LRRC45: variants seen among roughly 807,000 people sequenced by gnomAD.
The protein encoded by LRRC45 is leucine-rich repeat-containing protein 45.
In LRRC45, 73 loss-of-function variants were observed where a neutral mutation model predicts 85.4. The observed-to-expected ratio is 0.85, with a 90% CI of 0.71 to 1.04. LRRC45 has a LOEUF of 1.04. LRRC45 is among the 50% of genes least tolerant of loss of function. The probability of loss-of-function intolerance (pLI) is 0.00; values close to 1 mark genes in which losing one functional copy is unlikely to be tolerated. For synonymous variants in LRRC45, 429 were observed against 386.0 expected (o/e 1.11, Z -1.31); for missense variants, 937 against 883.3 (o/e 1.06, Z -0.77).
chr17:82,028,830 AC>A, intron 12 of LRRC45, 147 bp downstream of exon 12: 1 of 947,420 alleles, frequency 1.1e-6, no homozygotes, highest in Non-Finnish European at 1.6e-6. Context: ...CGGATGTCAG[AC>A]CCAGAACCTC....
chr17:82,026,957 C>T lies in LRRC45; in HGVS notation c.720C>T (p.Arg240=). 3 of 1,608,438 alleles carry T rather than the reference C, an allele frequency of 1.9e-6. No homozygotes were observed. The highest frequency in any genetic ancestry group is 1.1e-5 in the South Asian group (1 of 90,328). ...RLTTFQENQA[R]THVLSKEVQH... The stretch of plus-strand genomic sequence containing the variant: ...CCACCTTCCAGGAGAACCAAGCCCG[C>T]ACTCACGTCCTCAGCAAGGAGGTCC... Residue 240 remains arginine (R), a synonymous_variant, in exon 6 of 17, where the codon CGC becomes CGT. Transcript: ENST00000306688.
At chr17:82,026,610 C>T (rs886487959) in intron 5 of LRRC45, among the ~76,000 whole-genome samples, 2 of 117,256 alleles carry the variant, frequency 1.7e-5, no homozygotes, top group Non-Finnish European at 3.6e-5. Flanking sequence ...GACTGAGTTT[C>T]ACTCAGTCAC....
intron 14 of LRRC45, 126 bp downstream of exon 14, chr17:82,029,761 C>T (rs2043401264): frequency 3.2e-6 from 3 of 931,294 alleles, no homozygotes; most frequent in Admixed American, 2.1e-5. Context: ...CAGATGAGCA[C>T]ACCCTGGACA....
rs1465675534 is a variant in LRRC45 at position 82,030,453 on chromosome 17, G to A, written c.1803G>A (p.Glu601=). The A allele has an allele frequency of 7.1e-6, 11 of 1,545,602 alleles. No individual in the cohort carries two copies. The East Asian group carries it at 2.2e-4, about 31-fold the overall frequency. The change falls in exon 16 of 17, where the codon GAG becomes GAA. Residue 601 remains glutamate (E), a synonymous_variant. Coordinates refer to ENST00000306688, the MANE Select transcript of LRRC45 (RefSeq NM_144999.4). The part of the protein sequence containing the change: ...EALREKAAAL[E]RQLKVMASDH... ...TGAGGGAGAAGGCGGCGGCCCTGGA[G>A]CGCCAGCTGAAAGGTGAGCCAGACC...
chr17:82,029,572 C>A lies in LRRC45; in HGVS notation c.1431C>A (p.Leu477=). Residue 477 remains leucine (L), a synonymous_variant, in exon 14 of 17, where the codon CTC becomes CTA. Transcript: ENST00000306688. ...TGAGCCGAGTGAAAGCAGCGGCACT[C>A]AGCGAGCGTGGCCAGGCTGAGGAGG... The part of the protein sequence containing the change: ...EELSRVKAAA[L]SERGQAEEEL... 1 of 1,578,176 alleles carries A rather than the reference C, an allele frequency of 6.3e-7. No homozygotes were observed. The highest frequency in any genetic ancestry group is 8.6e-7 in the Non-Finnish European group (1 of 1,163,556).
chr17:82,030,605 G>GA lies in LRRC45; in HGVS notation c.1817-4_1817-3insA. 1 of 1,259,686 alleles carries GA rather than the reference G, an allele frequency of 7.9e-7. No homozygotes were observed. Among genetic ancestry groups the GA allele is most frequent in the Non-Finnish European group, 1.0e-6 (1 of 1,003,188 alleles). 78.0% of individuals were successfully genotyped at this position (1,259,686 alleles called of 1,614,324 possible). ...GTCCGCTCACTGCGCTCCTTGCCCT[G>GA]CAGTGATGGCGAGCGACCACCGAGA... On this transcript the variant is annotated splice_region_variant and splice_polypyrimidine_tract_variant and intron_variant, in intron 16 of 16. Transcript: ENST00000306688.
chr17:82,029,257 C>T (rs993489955), intron 13 of LRRC45, 72 bp downstream of exon 13: 29 of 1,428,658 alleles, frequency 2.0e-5, no homozygotes, highest in South Asian at 2.6e-5. Flanking sequence ...CCCTGGTGTT[C>T]GCCGCCTCAG....
In LRRC45 at chr17:82,027,675, G is replaced by C; in HGVS notation, c.835G>C (p.Ala279Pro). ...CTGCACCCTCCTCTCTGCCCACAGG[G>C]CGTCGGCAGCCCGTGTAGGGCAGCT... ...QREEMAKSSR[A>P]SAARVGQLQE... Residue 279 changes from alanine to proline, a missense_variant and splice_region_variant, in exon 8 of 17, where the codon GCG becomes CCG. Physicochemically the swap from Ala to Pro is conservative, Grantham distance 27. Transcript: ENST00000306688. 2 of 1,609,908 alleles carry C rather than the reference G, an allele frequency of 1.2e-6. No individual in the cohort carries two copies. The highest frequency in any genetic ancestry group is 1.1e-5 in the South Asian group (1 of 90,512).
rs369576962 is a variant in LRRC45 at position 82,029,132 on chromosome 17, G to T, written c.1348G>T (p.Ala450Ser). The T allele has an allele frequency of 1.6e-5, 26 of 1,612,580 alleles. No homozygotes were observed. Among genetic ancestry groups the T allele is most frequent in the South Asian group, 2.2e-5 (2 of 91,026 alleles). The change falls in exon 13 of 17, where the codon GCC becomes TCC. Residue 450 changes from alanine to serine, a missense_variant. Physicochemically the swap from Ala to Ser is moderately conservative, Grantham distance 99. Transcript: ENST00000306688. ...MTRHLEESEKAMQERVQRLEA... is the reference protein window; with the variant it reads ...MTRHLEESEKSMQERVQRLEA... The stretch of plus-strand genomic sequence containing the variant: ...CCGTCACCTGGAGGAGAGTGAGAAG[G>T]CCATGCAGGAGCGGGTGCAGAGGCT...
intron 5 of LRRC45, among the ~76,000 whole-genome samples, chr17:82,026,599 T>TGTGTGTGTGTGTGTGA (rs1416301920): frequency 2.6e-5 from 4 of 151,100 alleles, no homozygotes; most frequent in African/African-American, 9.8e-5. Context: ...TGTGTGTGTG[T>TGTGTGTGTGTGTGTGA]GACTGAGTTT....
intron 3 of LRRC45, 114 bp downstream of exon 3, chr17:82,024,877 C>T (rs369924292): frequency 2.6e-5 from 37 of 1,440,342 alleles, no homozygotes; most frequent in African/African-American, 1.6e-4. Flanking sequence ...GTTTCACATA[C>T]GTTGGCAGGG....
chr17:82,024,979 T>C (rs1394591336), intron 3 of LRRC45, 21 bp from the exon 4 acceptor site: 2 of 1,537,830 alleles, frequency 1.3e-6, no homozygotes, highest in African/African-American at 1.4e-5. Context: ...AGGTGAACAC[T>C]GGCTTCTGCC....
Position 82,026,599 on chromosome 17 carries a change from T to TGTGTGTGTGA in LRRC45, c.662-299_662-298insTGTGTGTGAG, listed in dbSNP as rs1416301920. Among the ~76,000 whole-genome samples the TGTGTGTGTGA allele has an allele frequency of 3.6e-3, 539 of 151,060 alleles. 4 individuals carry two copies. Among genetic ancestry groups the TGTGTGTGTGA allele is most frequent in the African/African-American group, 0.012 (498 of 40,676 alleles). ...GTGTGTGTGTGTGTGTGTGTGTGTG[T>TGTGTGTGTGA]GACTGAGTTTCACTCAGTCACCCAG... is the stretch of plus-strand genomic sequence containing the variant. On this transcript the variant is annotated intron_variant, in intron 5 of 16. Transcript: ENST00000306688.
chr17:82,024,941 C>G, intron 3 of LRRC45, 59 bp from the exon 4 acceptor site: 2 of 1,478,806 alleles, frequency 1.4e-6, no homozygotes. Flanking sequence ...TCCCCAAGCC[C>G]TGGACCCCAC....
chr17:82,025,295 G>A (rs2043358824), intron 4 of LRRC45, 84 bp from the exon 5 acceptor site: 3 of 1,523,292 alleles, frequency 2.0e-6, no homozygotes, highest in South Asian at 2.6e-5. Flanking sequence ...CTGCAAGGCA[G>A]TGCCCCCTAG....
Position 82,023,532 on chromosome 17 carries a change from G to C in LRRC45, c.-112G>C, listed in dbSNP as rs1319868306. On this transcript the variant is annotated 5_prime_UTR_variant, in exon 1 of 17. Transcript: ENST00000306688. ...CCCACTCGGATTGCTCTCCGCCCGG[G>C]TCGGCGGAGGCCCCGTCTCCTGTAC... 1.0e-6 allele frequency: 1 copy of C among 962,940 alleles called. No homozygotes were observed. Among genetic ancestry groups the C allele is most frequent in the East Asian group, 2.9e-5 (1 of 35,044 alleles). 59.6% of individuals were successfully genotyped at this position (962,940 alleles called of 1,614,324 possible).
chr17:82,023,926 G>A (rs1173724683), intron 1 of LRRC45, 63 bp downstream of exon 1: 5 of 1,436,122 alleles, frequency 3.5e-6, no homozygotes, highest in African/African-American at 1.4e-5. Context: ...TGCCTCGGCA[G>A]CCCGAGGTCG....
chr17:82,029,981 G>A (rs1168626413), intron 14 of LRRC45, 84 bp from the exon 15 acceptor site: 1 of 1,421,726 alleles, frequency 7.0e-7, no homozygotes, highest in South Asian at 1.4e-5. Flanking sequence ...CCTGCAGAGA[G>A]GTGGGGTCGT....
Position 82,030,662 on chromosome 17 carries a change from T to C in LRRC45, c.1870T>C (p.Ser624Pro), listed in dbSNP as rs1324831460. ...GCTGGACAGGGAGAGCGAGAACGCGTCTCTCCGGGAGAAGCTGCGGCTCCG... is the reference window on the plus strand; with the variant it reads ...GCTGGACAGGGAGAGCGAGAACGCGCCTCTCCGGGAGAAGCTGCGGCTCCG... The part of the protein sequence containing the change: ...ALLDRESENA[S>P]LREKLRLREA... Residue 624 changes from serine (S) to proline (P), a missense_variant, in exon 17 of 17, where the codon TCT (serine) becomes CCT (proline). Transcript: ENST00000306688. The C allele has an allele frequency of 1.4e-6, 2 of 1,439,498 alleles. No homozygotes were observed. Among genetic ancestry groups the C allele is most frequent in the East Asian group, 2.8e-5 (1 of 36,254 alleles). The allele number at this position is 1,439,498 out of a possible 1,614,324, so 89.2% of individuals were successfully genotyped here. A position where few individuals can be genotyped will look rare whatever the true frequency, so the allele number is the denominator to read the frequency against.
Sources: gnomAD v4.1 joint callset for allele counts (sites outside exome capture counted in the v4.1 genomes callset) on GRCh38, gnomAD v4.1.1 for gene constraint, MANE v1.5 for transcripts, NCBI Gene and HGNC (gene_info 2026-07-23, HGNC 2026-07-21) for gene names.